The following GLT8D1 variants were observed in gnomAD, a reference collection of about 807,000 sequenced individuals.
The protein encoded by GLT8D1 is glycosyltransferase 8 domain containing 1.
A neutral mutation model predicts 46.2 loss-of-function variants in GLT8D1; 41 were observed. That is an observed-to-expected ratio of 0.89 (90% CI 0.69 to 1.15). The LOEUF is 1.15. Ranked by LOEUF, GLT8D1 falls within the 50% of genes most tolerant of loss-of-function variation. GLT8D1 has a pLI of 0.00. For synonymous variants in GLT8D1, 150 were observed against 154.2 expected, an observed-to-expected ratio of 0.97 and a Z score of 0.20; for missense variants, 408 against 449.3, an observed-to-expected ratio of 0.91 and a Z score of 0.83.
At position 52,705,682 on chromosome 3, in the gene GLT8D1, C is replaced by T. The variant is rs745559636; in HGVS notation, c.-272G>A. The T allele has an allele frequency of 2.4e-5, 8 of 338,412 alleles. No individual in the cohort carries two copies. The highest frequency in any genetic ancestry group is 1.2e-4 in the Admixed American group (2 of 17,046). The allele number at this position is 338,412 out of a possible 1,614,324, so 21.0% of individuals were successfully genotyped here. A position where few individuals can be genotyped will look rare whatever the true frequency, so the allele number is the denominator to read the frequency against. On this transcript the variant is annotated 5_prime_UTR_variant, in exon 1 of 10. It adds an upstream start codon to the 5' untranslated region. Coordinates refer to ENST00000266014, the MANE Select transcript of GLT8D1 (RefSeq NM_018446.4). ...TGTCTGGCCGCCCGCGTTCCCTGCACGCTGGGCCGAGCACACTTGCCCTCT... is the reference window on the plus strand; with the variant it reads ...TGTCTGGCCGCCCGCGTTCCCTGCATGCTGGGCCGAGCACACTTGCCCTCT...
intron 1 of GLT8D1, among the ~76,000 whole-genome samples, chr3:52,704,172 G>A (rs1042320323): frequency 2.0e-5 from 3 of 151,758 alleles, no homozygotes; most frequent in Non-Finnish European, 4.4e-5. Context: ...AAAAAAGACC[G>A]CACTGGCCGG....
Position 52,697,857 on chromosome 3 carries a change from C to T in GLT8D1, c.193G>A (p.Glu65Lys). The T allele has an allele frequency of 6.2e-7, 1 of 1,613,822 alleles. No individual in the cohort carries two copies. The highest frequency in any genetic ancestry group is 8.5e-7 in the Non-Finnish European group (1 of 1,179,664). ...LRHAVDGRQE[E>K]IPVVIAASED... ...GATGCAGCGATGACCACAGGAATCT[C>T]CTCTTGTCTCCCATCTACTGCATGT... is the stretch of plus-strand genomic sequence containing the variant. Residue 65 changes from glutamate to lysine, a missense_variant, in exon 4 of 10, where the codon GAG (glutamate) becomes AAG (lysine). Coordinates refer to ENST00000266014, the MANE Select transcript of GLT8D1 (RefSeq NM_018446.4).
Position 52,696,603 on chromosome 3 carries a change from T to G in GLT8D1, c.386A>C (p.Asp129Ala). The stretch of plus-strand genomic sequence containing the variant: ...TACTTTTCCTTCCAAAAGTTTAGGG[T>G]CAAAATTGACAATTTTGTATCTGAT... The part of the protein sequence containing the change: ...KSIRYKIVNF[D>A]PKLLEGKVKE... The change falls in exon 5 of 10, where the codon GAC becomes GCC. Residue 129 changes from aspartate (D) to alanine (A), a missense_variant. Asp to Ala is a moderately radical substitution (Grantham distance 126). Coordinates refer to ENST00000266014, the MANE Select transcript of GLT8D1 (RefSeq NM_018446.4). The G allele has an allele frequency of 2.5e-6, 4 of 1,612,234 alleles. No individual in the cohort carries two copies. Among genetic ancestry groups the G allele is most frequent in the Non-Finnish European group, 3.4e-6 (4 of 1,178,268 alleles).
rs1315339432 is a variant in GLT8D1, at chr3:52,705,732, C to G, written c.-322G>C. The G allele has an allele frequency of 1.0e-5, 8 of 770,058 alleles. No individual in the cohort carries two copies. The highest frequency in any genetic ancestry group is 1.8e-5 in the African/African-American group (1 of 54,450). The allele number at this position is 770,058 out of a possible 1,614,324, so 47.7% of individuals were successfully genotyped here. A position where few individuals can be genotyped will look rare whatever the true frequency, so the allele number is the denominator to read the frequency against. On this transcript the variant is annotated 5_prime_UTR_variant, in exon 1 of 10. Coordinates refer to ENST00000266014, the MANE Select transcript of GLT8D1 (RefSeq NM_018446.4). ...TAGCTCCGTGGCAGCCGCGCAGCCC[C>G]ACTACGCCCAGCCAGCCCGCAGCGG...
chr3:52,695,630 A>C, intron 7 of GLT8D1, 43 bp from the exon 8 acceptor site: 2 of 1,146,854 alleles, frequency 1.7e-6, no homozygotes, highest in Non-Finnish European at 2.6e-6. Flanking sequence ...GCTTCAAACA[A>C]AATAGATACA....
intron 4 of GLT8D1, chr3:52,697,410 GAC>G: frequency 5.6e-6 from 2 of 358,050 alleles, no homozygotes; most frequent in South Asian, 5.4e-5. Context: ...AGGAACTTGT[GAC>G]TTGTAAATCA....
chr3:52,695,006 G>C lies in GLT8D1; in HGVS notation c.955C>G (p.Gln319Glu). ...GSSAGKRYSPQFVKAAKLLHW... is the reference protein window; with the variant it reads ...GSSAGKRYSPEFVKAAKLLHW... The stretch of plus-strand genomic sequence containing the variant: ...AGTAACTTGGCAGCCTTTACAAACT[G>C]AGGTGAATATCGTTTTCCAGCACTG... Residue 319 changes from glutamine to glutamate, a missense_variant, in exon 10 of 10, where the codon CAG becomes GAG. By Grantham distance (29) the Gln-to-Glu change is conservative. Coordinates refer to ENST00000266014, the MANE Select transcript of GLT8D1 (RefSeq NM_018446.4). 3 of 1,612,486 alleles carry C rather than the reference G, an allele frequency of 1.9e-6. No homozygotes were observed. Among genetic ancestry groups the C allele is most frequent in the Non-Finnish European group, 2.5e-6 (3 of 1,178,516 alleles).
Position 52,697,848 on chromosome 3 carries a change from C to A in GLT8D1, c.202G>T (p.Val68Leu), listed in dbSNP as rs751913462. ...AVDGRQEEIPVVIAASEDRLG... is the reference protein window; with the variant it reads ...AVDGRQEEIPLVIAASEDRLG... Reference sequence around the variant, plus strand: ...CTGTCTTCAGATGCAGCGATGACCACAGGAATCTCCTCTTGTCTCCCATCT... The same window carrying A: ...CTGTCTTCAGATGCAGCGATGACCAAAGGAATCTCCTCTTGTCTCCCATCT... The change falls in exon 4 of 10, where the codon GTG (valine) becomes TTG (leucine). Residue 68 changes from valine (V) to leucine (L), a missense_variant. By Grantham distance (32) the Val-to-Leu change is conservative (BLOSUM62 1). Coordinates refer to ENST00000266014, the MANE Select transcript of GLT8D1 (RefSeq NM_018446.4). The A allele has an allele frequency of 1.7e-5, 28 of 1,613,564 alleles. No homozygotes were observed. Among genetic ancestry groups the A allele is most frequent in the Non-Finnish European group, 8.5e-7 (1 of 1,179,564 alleles).
intron 3 of GLT8D1, 61 bp downstream of exon 3, chr3:52,700,201 G>T: frequency 9.9e-7 from 1 of 1,008,186 alleles, no homozygotes; most frequent in South Asian, 1.4e-5. Context: ...TAGGATGTGT[G>T]ACACAGAGAA....
At chr3:52,695,769 A>C in intron 7 of GLT8D1, 159 bp downstream of exon 7, 1 of 638,040 alleles carries the variant, frequency 1.6e-6, no homozygotes, top group East Asian at 2.7e-5. Flanking sequence ...AAGAACAATT[A>C]GGCTGTCAAG....
At position 52,694,534 on chromosome 3, in the gene GLT8D1, A is replaced by G. The variant is rs114072248; in HGVS notation, c.*311T>C. 364 of 582,360 alleles carry G rather than the reference A, an allele frequency of 6.3e-4. 2 individuals are homozygous for G. The highest frequency in any genetic ancestry group is 6.2e-3 in the African/African-American group (332 of 53,714). 36.1% of individuals were successfully genotyped at this position (582,360 alleles called of 1,614,324 possible). On this transcript the variant is annotated 3_prime_UTR_variant, in exon 10 of 10. Transcript: ENST00000266014. ...TTTACAGATCAGGCCACAGGTTACAAAATTAAAACCAACAGCAGTTTTGAA... is the reference window on the plus strand; with the variant it reads ...TTTACAGATCAGGCCACAGGTTACAGAATTAAAACCAACAGCAGTTTTGAA...
chr3:52,697,528 G>A, intron 4 of GLT8D1, 193 bp downstream of exon 4: 1 of 584,142 alleles, frequency 1.7e-6, no homozygotes, highest in Non-Finnish European at 3.1e-6. Flanking sequence ...TGAGCTCCTT[G>A]TATCACTTCT....
chr3:52,702,851 G>A (rs1466593945), intron 1 of GLT8D1, among the ~76,000 whole-genome samples: 5 of 149,648 alleles, frequency 3.3e-5, no homozygotes, highest in South Asian at 2.1e-4. Flanking sequence ...CAGTGGTGCC[G>A]TCTTGGCTCA....
In GLT8D1 at chr3:52,694,935, A is replaced by G. The variant is rs375292016; in HGVS notation, c.1026T>C (p.Tyr342=). 6.2e-7 allele frequency: 1 copy of G among 1,610,494 alleles called. No homozygotes were observed. The highest frequency in any genetic ancestry group is 1.1e-5 in the South Asian group (1 of 91,024). Residue 342 remains tyrosine (Y), a synonymous_variant, in exon 10 of 10, where the codon TAT becomes TAC. Coordinates refer to ENST00000266014, the MANE Select transcript of GLT8D1 (RefSeq NM_018446.4). ...TATACCATTTTTCCCAAACATCAGT[A>G]TATGAAGCAGTCCTTCCCCATGGCT... ...HLKPWGRTAS[Y]TDVWEKWYIP...
At chr3:52,705,020 C>G (rs1339119429) in intron 1 of GLT8D1, 1 of 152,252 alleles carries the variant, frequency 6.6e-6, no homozygotes, top group Non-Finnish European at 1.5e-5. Context: ...CCACCCTGTC[C>G]CGGGAGTGCC....
In GLT8D1 at chr3:52,696,277, G is replaced by A. The variant is rs143702907; in HGVS notation, c.489C>T (p.Ser163=). ...ARFYLPILVP[S]AKKAIYMDDD... is the part of the protein sequence containing the mutation. ...CATCCATGTATATGGCCTTCTTTGC[G>A]CTGGGAACCAGAATTGGCAAGTAGA... The change falls in exon 6 of 10, where the codon AGC becomes AGT. Residue 163 remains serine, a synonymous_variant. Transcript: ENST00000266014. The A allele has an allele frequency of 2.7e-4, 432 of 1,612,470 alleles. No individual in the cohort carries two copies. The highest frequency in any genetic ancestry group is 4.5e-4 in the South Asian group (41 of 91,052).
rs570052153 is a variant in GLT8D1 at position 52,696,815 on chromosome 3, C to A, written c.330-156G>T. Among the ~76,000 whole-genome samples, 24 of 145,366 alleles carry A rather than the reference C, an allele frequency of 1.7e-4. No homozygotes were observed. The South Asian group carries it at 5.1e-3, about 31-fold the overall frequency. On this transcript the variant is annotated intron_variant, in intron 4 of 9. Coordinates refer to ENST00000266014, the MANE Select transcript of GLT8D1 (RefSeq NM_018446.4). ...TCGTCTGAAGTGAGGGTAATTCCCA[C>A]CAAAGTCCCTCCCTGAATTAAGATT...
intron 1 of GLT8D1, among the ~76,000 whole-genome samples, chr3:52,701,014 G>A (rs575198957): frequency 8.5e-4 from 129 of 152,204 alleles, no homozygotes; most frequent in East Asian, 6.4e-3. Flanking sequence ...GCAGTGAGCC[G>A]AGATCATGCC....
intron 6 of GLT8D1, 69 bp downstream of exon 6, chr3:52,696,165 C>A: frequency 1.6e-6 from 2 of 1,214,054 alleles, no homozygotes; most frequent in East Asian, 2.3e-5. Context: ...CCACTGTAGC[C>A]CATTGTTTTA....
Sources: allele counts gnomAD v4.1 joint callset (sites outside exome capture counted in the v4.1 genomes callset), GRCh38; gene constraint gnomAD v4.1.1; transcripts MANE v1.5; gene names NCBI Gene and HGNC (gene_info 2026-07-23, HGNC 2026-07-21).